AIG1: variants seen among roughly 807,000 people sequenced by gnomAD.
The protein encoded by AIG1 is androgen-induced gene 1 protein.
In AIG1, 23 loss-of-function variants were observed where a neutral mutation model predicts 31.4. That is an observed-to-expected ratio of 0.73 (90% CI 0.53 to 1.04). The LOEUF (loss-of-function observed/expected upper bound fraction) is 1.04. Among genes scored for constraint, AIG1 ranks in the 50% least tolerant of loss-of-function variants. The probability of loss-of-function intolerance (pLI) is 0.00; values close to 1 mark genes in which losing one functional copy is unlikely to be tolerated. For synonymous variants in AIG1, 100 were observed against 110.5 expected, an observed-to-expected ratio of 0.90 and a Z score of 0.60; for missense variants, 274 against 295.0, an observed-to-expected ratio of 0.93 and a Z score of 0.52.
intron 3 of AIG1, chr6:143,190,313 A>AG: frequency 2.0e-6 from 2 of 985,478 alleles, no homozygotes; most frequent in Non-Finnish European, 1.2e-6. Context: ...GACAAGGCCC[A>AG]GGCCCAGTGA....
chr6:143,222,195 GA>G (rs1357948425), intron 3 of AIG1, among the ~76,000 whole-genome samples: 17 of 152,254 alleles, frequency 1.1e-4, no homozygotes, highest in African/African-American at 3.8e-4. Context: ...GTACGTTAAA[GA>G]GACCCCAAAG....
rs540719603 is a variant in AIG1, at chr6:143,329,189, C to A, written c.516-4093C>A. Among the ~76,000 whole-genome samples the A allele has an allele frequency of 6.6e-6, 1 of 152,324 alleles. No individual in the cohort carries two copies. The highest frequency in any genetic ancestry group is 2.1e-4 in the South Asian group (1 of 4,826). On this transcript the variant is annotated intron_variant, in intron 4 of 5. Coordinates refer to ENST00000357847, the MANE Select transcript of AIG1 (RefSeq NM_016108.4). This position sits in a 1 kb window ranked among gnomAD's most constrained non-coding sequence, Gnocchi z 4.9. ...AAACCAAACCAAAACAAACAAGAAA[C>A]GCTCAATTCCATTTTGGAGACAATA...
At chr6:143,260,603 A>C (rs919797318) in intron 3 of AIG1, among the ~76,000 whole-genome samples, 1 of 152,242 alleles carries the variant, frequency 6.6e-6, no homozygotes, top group African/African-American at 2.4e-5. Context: ...ATGATAACAC[A>C]AACATTGACT....
chr6:143,061,645 T>A, intron 1 of AIG1: 1 of 265,478 alleles, frequency 3.8e-6, no homozygotes, highest in South Asian at 4.0e-5. Flanking sequence ...CTTTACCCCG[T>A]ACATATTAGG....
intron 4 of AIG1, among the ~76,000 whole-genome samples, chr6:143,307,975 T>A (rs920022268): frequency 2.0e-5 from 3 of 152,202 alleles, no homozygotes; most frequent in Non-Finnish European, 2.9e-5. Context: ...GTGCTAGCAA[T>A]GAGTGAGAAT....
At chr6:143,289,026 T>C (rs1222276853) in intron 4 of AIG1, among the ~76,000 whole-genome samples, 1 of 152,150 alleles carries the variant, frequency 6.6e-6, no homozygotes, top group Non-Finnish European at 1.5e-5. Flanking sequence ...CCAAGGTTCT[T>C]GTTATGTAGA....
chr6:143,081,215 A>T (rs1562354088), intron 1 of AIG1, among the ~76,000 whole-genome samples: 1 of 152,128 alleles, frequency 6.6e-6, no homozygotes, highest in Non-Finnish European at 1.5e-5. Context: ...TGAGTGTTTC[A>T]TTCATTTTCT....
intron 3 of AIG1, among the ~76,000 whole-genome samples, chr6:143,186,430 G>A (rs1221497744): frequency 6.6e-6 from 1 of 152,124 alleles, no homozygotes; most frequent in Non-Finnish European, 1.5e-5. Context: ...GCCCAGATTG[G>A]TGGAAACGTT....
intron 1 of AIG1, among the ~76,000 whole-genome samples, chr6:143,103,718 G>A (rs1052865725): frequency 3.3e-5 from 5 of 151,450 alleles, no homozygotes; most frequent in Non-Finnish European, 4.4e-5. Flanking sequence ...CATTTTAGCC[G>A]GGATGGTCTC....
intron 2 of AIG1, among the ~76,000 whole-genome samples, chr6:143,152,733 A>G (rs1015888764): frequency 2.0e-5 from 3 of 152,144 alleles, no homozygotes; most frequent in African/African-American, 7.2e-5. Context: ...CAGATATACA[A>G]AAGTTTCCTC....
Position 143,284,362 on chromosome 6 carries a change from C to G in AIG1, c.515+137C>G, listed in dbSNP as rs1797551939. 5.0e-6 allele frequency: 3 copies of G among 594,534 alleles called. No individual in the cohort carries two copies. Among genetic ancestry groups the G allele is most frequent in the Admixed American group, 3.1e-5 (1 of 32,168 alleles). 36.8% of individuals were successfully genotyped at this position (594,534 alleles called of 1,614,324 possible). On this transcript the variant is annotated intron_variant, in intron 4 of 5. Transcript: ENST00000357847. This position sits in a 1 kb window ranked among gnomAD's most constrained non-coding sequence, Gnocchi z 4.4. ...ATTTGGTCCAAGACCTGGGCTTTGT[C>G]TCGTTTCCCCAGATGCTTATATTTT...
chr6:143,171,308 C>T (rs931129672), intron 3 of AIG1, among the ~76,000 whole-genome samples: 2 of 149,142 alleles, frequency 1.3e-5, no homozygotes, highest in African/African-American at 2.5e-5. Context: ...TTTCCATTCT[C>T]GAGTTACTTC....
chr6:143,290,756 G>C (rs1037036181), intron 4 of AIG1, among the ~76,000 whole-genome samples: 21 of 152,118 alleles, frequency 1.4e-4, no homozygotes, highest in African/African-American at 4.8e-4. Context: ...TGTTTGTTGG[G>C]GGGTGGCAGG....
At chr6:143,129,417 A>G (rs1315332533) in intron 1 of AIG1, among the ~76,000 whole-genome samples, 1 of 152,238 alleles carries the variant, frequency 6.6e-6, no homozygotes, top group Non-Finnish European at 1.5e-5. Flanking sequence ...GGGCTGTACT[A>G]TAGTCCCAAG....
chr6:143,060,032 G>GT (rs764783610), upstream of AIG1, among the ~76,000 whole-genome samples: 1 of 152,184 alleles, frequency 6.6e-6, no homozygotes, highest in Non-Finnish European at 1.5e-5. Flanking sequence ...ACACGCAGGG[G>GT]TTTTACATCC....
intron 1 of AIG1, among the ~76,000 whole-genome samples, chr6:143,122,226 A>G (rs1378551972): frequency 6.6e-6 from 1 of 152,176 alleles, no homozygotes. Context: ...CTTCTCTGGA[A>G]GGTTTTGGAT....
intron 3 of AIG1, among the ~76,000 whole-genome samples, chr6:143,185,161 A>G (rs1346157111): frequency 6.7e-6 from 1 of 148,936 alleles, no homozygotes; most frequent in Admixed American, 6.8e-5. Context: ...GTGCCACTGC[A>G]CTCCAGCCTG....
intron 3 of AIG1, among the ~76,000 whole-genome samples, chr6:143,277,083 T>C (rs1182796676): frequency 6.6e-6 from 1 of 152,188 alleles, no homozygotes; most frequent in Admixed American, 6.5e-5. Context: ...TTTTTCTCAG[T>C]TTTTCTCATG....
intron 3 of AIG1, among the ~76,000 whole-genome samples, chr6:143,206,701 G>T (rs1026737794): frequency 6.6e-6 from 1 of 152,146 alleles, no homozygotes; most frequent in South Asian, 2.1e-4. Context: ...AAGCATAGAG[G>T]TCTTTAATTT....
Sources: allele counts gnomAD v4.1 joint callset (sites outside exome capture counted in the v4.1 genomes callset), GRCh38; gene constraint gnomAD v4.1.1; non-coding constraint Gnocchi (gnomAD v3.1); transcripts MANE v1.5; gene names NCBI Gene and HGNC (gene_info 2026-07-23, HGNC 2026-07-21).